Variants in CDK6 observed in about 807,000 individuals in gnomAD.
CDK6 encodes the protein cyclin-dependent kinase 6.
CDK6 carries 6 observed loss-of-function variants against 37.1 expected under a neutral mutation model. The observed-to-expected ratio is 0.16, with a 90% CI of 0.09 to 0.32. The LOEUF (loss-of-function observed/expected upper bound fraction) is 0.32, where lower values mean the gene tolerates loss of function less well. Ranked by LOEUF, CDK6 falls within the 10% of genes least tolerant of loss-of-function variation. The pLI, the probability that CDK6 is intolerant of heterozygous loss-of-function variation, is 1.00. For synonymous variants in CDK6, 160 were observed against 161.3 expected, an observed-to-expected ratio of 0.99 and a Z score of 0.06; for missense variants, 224 against 418.9, an observed-to-expected ratio of 0.53 and a Z score of 4.06.
rs1795582590 is a variant in CDK6, at chr7:92,612,454, A to T, written c.*2686T>A. ...GCAAGACTGCTTGTGTTGGATCTGG[A>T]TTTCAGAAATGGCGAATCTGGACAT... is the stretch of plus-strand genomic sequence containing the variant. On this transcript the variant is annotated 3_prime_UTR_variant, in exon 8 of 8. Transcript: ENST00000424848. The T allele has an allele frequency of 4.3e-6, 1 of 233,050 alleles. No homozygotes were observed. The highest frequency in any genetic ancestry group is 8.5e-6 in the Non-Finnish European group (1 of 117,976). 14.4% of individuals were successfully genotyped at this position (233,050 alleles called of 1,614,324 possible). A position where few individuals can be genotyped will look rare whatever the true frequency, so the allele number is the denominator to read the frequency against.
chr7:92,753,150 A>T (rs1562955774), intron 3 of CDK6, among the ~76,000 whole-genome samples: 1 of 152,120 alleles, frequency 6.6e-6, no homozygotes, highest in Non-Finnish European at 1.5e-5. Context: ...TGATTTAATA[A>T]CTTAATAAAT....
chr7:92,669,205 A>G (rs1259558447), intron 5 of CDK6, among the ~76,000 whole-genome samples: 2 of 152,218 alleles, frequency 1.3e-5, no homozygotes, highest in Non-Finnish European at 2.9e-5. Flanking sequence ...AATTTTGATG[A>G]ATTAGCACAA....
chr7:92,655,868 T>G (rs921451129), intron 5 of CDK6, among the ~76,000 whole-genome samples: 1 of 152,270 alleles, frequency 6.6e-6, no homozygotes, highest in African/African-American at 2.4e-5. Context: ...TAAAAGTGCA[T>G]GTATGTGCAT....
At chr7:92,672,348 T>C (rs1045934722) in intron 4 of CDK6, among the ~76,000 whole-genome samples, 1 of 150,678 alleles carries the variant, frequency 6.6e-6, no homozygotes, top group African/African-American at 2.4e-5. Context: ...GGAATCAAAG[T>C]AAAACCCCTC....
At chr7:92,691,512 T>C (rs1352233367) in intron 4 of CDK6, among the ~76,000 whole-genome samples, 1 of 152,248 alleles carries the variant, frequency 6.6e-6, no homozygotes, top group East Asian at 1.9e-4. Flanking sequence ...GAATTTCATA[T>C]TGTTCTCAAA....
chr7:92,696,508 T>C (rs1362764817), intron 4 of CDK6, among the ~76,000 whole-genome samples: 1 of 152,194 alleles, frequency 6.6e-6, no homozygotes, highest in Non-Finnish European at 1.5e-5. Flanking sequence ...ACTAAGTTAC[T>C]CAAATGATGA....
chr7:92,751,910 C>G (rs1799199343), intron 3 of CDK6, among the ~76,000 whole-genome samples: 1 of 151,856 alleles, frequency 6.6e-6, no homozygotes, highest in African/African-American at 2.4e-5. Flanking sequence ...CTTAATGGCC[C>G]AGAGGGCACG....
intron 2 of CDK6, among the ~76,000 whole-genome samples, chr7:92,809,370 C>T (rs140146112): frequency 4.2e-4 from 64 of 152,244 alleles, no homozygotes; most frequent in African/African-American, 1.3e-3. Context: ...TAATTGACAA[C>T]GACAATCTGG....
intron 3 of CDK6, among the ~76,000 whole-genome samples, chr7:92,772,046 T>C (rs1487410474): frequency 6.6e-6 from 1 of 152,222 alleles, no homozygotes; most frequent in Non-Finnish European, 1.5e-5. Context: ...ATCAGTTATA[T>C]ATTCAGCCTA....
intron 5 of CDK6, among the ~76,000 whole-genome samples, chr7:92,659,144 T>G (rs1214839461): frequency 6.6e-6 from 1 of 152,214 alleles, no homozygotes; most frequent in Non-Finnish European, 1.5e-5. Context: ...TTCTCCCCTC[T>G]TCCCAATAAA....
At chr7:92,758,954 A>G (rs1799383799) in intron 3 of CDK6, among the ~76,000 whole-genome samples, 1 of 152,100 alleles carries the variant, frequency 6.6e-6, no homozygotes, top group African/African-American at 2.4e-5. Context: ...TTGGTGGTGT[A>G]TAGGAATGCT....
chr7:92,752,929 G>A (rs1325721860), intron 3 of CDK6, among the ~76,000 whole-genome samples: 8 of 151,990 alleles, frequency 5.3e-5, no homozygotes, highest in Admixed American at 3.9e-4. Flanking sequence ...GACATTATAC[G>A]ACAGATCCTG....
At chr7:92,787,511 T>A (rs957111390) in intron 2 of CDK6, among the ~76,000 whole-genome samples, 1 of 152,110 alleles carries the variant, frequency 6.6e-6, no homozygotes, top group Admixed American at 6.6e-5. Context: ...TTTATGTTTG[T>A]CCACTTAGAA....
At chr7:92,677,775 C>T (rs959648115) in intron 4 of CDK6, among the ~76,000 whole-genome samples, 9 of 152,190 alleles carry the variant, frequency 5.9e-5, no homozygotes, top group African/African-American at 1.9e-4. Context: ...CACAGTCTTT[C>T]AGTCCCTACA....
intron 3 of CDK6, among the ~76,000 whole-genome samples, chr7:92,773,410 A>C (rs564848176): frequency 1.4e-3 from 219 of 152,318 alleles, no homozygotes; most frequent in South Asian, 8.7e-3. Context: ...ATACCAAGAG[A>C]ATGATGAGCA....
In CDK6 at chr7:92,697,384, C is replaced by T. The variant is rs746452518; in HGVS notation, c.538-25849G>A. On this transcript the variant is annotated intron_variant, in intron 4 of 7. Coordinates refer to ENST00000424848, the MANE Select transcript of CDK6 (RefSeq NM_001145306.2). ...CAGTCGAAGTTTATCAAGAGTCTTC[C>T]GTACGCCTGGCACTTCACTAAGGAC... is the stretch of plus-strand genomic sequence containing the variant. 6.6e-5 allele frequency among the ~76,000 whole-genome samples: 10 copies of T among 152,270 alleles called. No homozygotes were observed. In the South Asian group the frequency reaches 1.2e-3, roughly 19 times the overall value.
intron 3 of CDK6, among the ~76,000 whole-genome samples, chr7:92,767,236 A>G (rs1005866421): frequency 2.0e-5 from 3 of 152,320 alleles, no homozygotes; most frequent in East Asian, 1.9e-4. Context: ...TTCAGCTACT[A>G]TAAGGGTTAG....
At chr7:92,632,933 CTTTTTTT>C (rs397889657) in intron 5 of CDK6, among the ~76,000 whole-genome samples, 1,407 of 108,868 alleles carry the variant, frequency 0.013, 12 homozygotes, top group Non-Finnish European at 0.018. Context: ...CTCTAAAGAT[CTTTTTTT>C]TTTTTTTTTT....
intron 2 of CDK6, among the ~76,000 whole-genome samples, chr7:92,783,061 C>T (rs1464788784): frequency 6.6e-6 from 1 of 152,170 alleles, no homozygotes; most frequent in Non-Finnish European, 1.5e-5. Context: ...ATCCATCCTT[C>T]CCAAGGAGCC....
Sources: gnomAD v4.1 joint callset for allele counts (sites outside exome capture counted in the v4.1 genomes callset) on GRCh38, gnomAD v4.1.1 for gene constraint, MANE v1.5 for transcripts, NCBI Gene and HGNC (gene_info 2026-07-23, HGNC 2026-07-21) for gene names.